IFT81: variants seen among roughly 807,000 people sequenced by gnomAD.
The protein encoded by IFT81 is intraflagellar transport protein 81 homolog.
Under a neutral mutation model 102.6 loss-of-function variants are expected in IFT81, and 72 were observed. That is an observed-to-expected ratio of 0.70 (90% CI 0.58 to 0.85). The LOEUF (loss-of-function observed/expected upper bound fraction) is 0.85. IFT81 is among the 40% of genes least tolerant of loss of function. The probability of loss-of-function intolerance (pLI) is 0.00; values close to 1 mark genes in which losing one functional copy is unlikely to be tolerated. For synonymous variants in IFT81, 237 were observed against 242.7 expected (o/e 0.98, Z 0.22); for missense variants, 723 against 787.3 (o/e 0.92, Z 0.98).
chr12:110,139,336 CAAAAA>C (rs398044810), intron 8 of IFT81, among the ~76,000 whole-genome samples: 1 of 52,582 alleles, frequency 1.9e-5, no homozygotes, highest in Non-Finnish European at 3.9e-5. Context: ...GACTCTGTCT[CAAAAA>C]AAAAAAAAAA....
At chr12:110,191,729 A>T (rs1897807674) in intron 13 of IFT81, among the ~76,000 whole-genome samples, 1 of 152,148 alleles carries the variant, frequency 6.6e-6, no homozygotes, top group Non-Finnish European at 1.5e-5. Flanking sequence ...ACCAGGCATT[A>T]AAATGTTGAT....
intron 10 of IFT81, chr12:110,162,416 A>T (rs1466824316): frequency 6.9e-6 from 1 of 145,162 alleles, no homozygotes; most frequent in East Asian, 2.0e-4. Flanking sequence ...GGCTCACTGC[A>T]ACCTCCACCT....
intron 18 of IFT81, among the ~76,000 whole-genome samples, chr12:110,212,019 A>G (rs1192581046): frequency 6.6e-6 from 1 of 152,178 alleles, no homozygotes; most frequent in African/African-American, 2.4e-5. Flanking sequence ...GTATTTGTAC[A>G]GTTTAGCTAC....
chr12:110,141,145 C>T (rs188824313), intron 8 of IFT81, among the ~76,000 whole-genome samples: 20 of 152,146 alleles, frequency 1.3e-4, no homozygotes, highest in Admixed American at 9.8e-4. Context: ...CTACCTCAAG[C>T]ATCTCTACAG....
At position 110,162,966 on chromosome 12, in the gene IFT81, G is replaced by A; in HGVS notation, c.1089G>A (p.Gln363=). The A allele has an allele frequency of 1.2e-6, 2 of 1,613,860 alleles. No homozygotes were observed. Among genetic ancestry groups the A allele is most frequent in the South Asian group, 1.1e-5 (1 of 91,054 alleles). ...RKKEAKAEEL[Q]EAKEKLASLE... is the part of the protein sequence containing the mutation. ...AAGAAGCCAAAGCTGAGGAACTTCA[G>A]GAGGCCAAGGAGAAGTTAGCCAGCC... is the stretch of plus-strand genomic sequence containing the variant. The change falls in exon 11 of 19, where the codon CAG becomes CAA. Residue 363 remains glutamine, a synonymous_variant. Coordinates refer to ENST00000242591, the MANE Select transcript of IFT81 (RefSeq NM_014055.4).
At chr12:110,189,642 C>T (rs889532665) in intron 12 of IFT81, among the ~76,000 whole-genome samples, 2 of 152,212 alleles carry the variant, frequency 1.3e-5, no homozygotes, top group Non-Finnish European at 2.9e-5. Context: ...AGCCACCACA[C>T]CTGGCCTAAT....
intron 17 of IFT81, among the ~76,000 whole-genome samples, chr12:110,207,148 A>G (rs1039266006): frequency 5.3e-5 from 8 of 151,982 alleles, no homozygotes; most frequent in Admixed American, 1.3e-4. Context: ...CTCCTGCCTC[A>G]GCCTCCCAAG....
intron 10 of IFT81, among the ~76,000 whole-genome samples, chr12:110,156,271 C>T (rs1895831880): frequency 1.3e-5 from 2 of 152,090 alleles, no homozygotes; most frequent in South Asian, 2.1e-4. Flanking sequence ...ATTTACAGAC[C>T]GTTGTTACAC....
chr12:110,180,226 TAAAAC>T (rs1195631547), intron 11 of IFT81, among the ~76,000 whole-genome samples, 191 bp from the exon 12 acceptor site: 1 of 134,958 alleles, frequency 7.4e-6, no homozygotes, highest in East Asian at 2.1e-4. Context: ...AGTTTTATAA[TAAAAC>T]TAAATTATTA....
chr12:110,200,418 G>T (rs1054796349), intron 14 of IFT81, among the ~76,000 whole-genome samples: 4 of 152,046 alleles, frequency 2.6e-5, no homozygotes, highest in East Asian at 1.9e-4. Flanking sequence ...CATAGAAAAG[G>T]TACAGTAAAA....
intron 1 of IFT81, among the ~76,000 whole-genome samples, chr12:110,126,873 T>A (rs535028432): frequency 6.6e-6 from 1 of 152,330 alleles, no homozygotes; most frequent in Non-Finnish European, 1.5e-5. Flanking sequence ...GTTGTGGGCA[T>A]GCACAAATGT....
chr12:110,159,441 T>C (rs55887805), intron 10 of IFT81, among the ~76,000 whole-genome samples: 25,626 of 152,144 alleles, frequency 0.17, 3,352 homozygotes, highest in African/African-American at 0.37. Context: ...GCCTGAGTGA[T>C]GGAGCCAGAT....
At position 110,129,091 on chromosome 12, in the gene IFT81, G is replaced by A; in HGVS notation, c.390G>A (p.Glu130=). The A allele has an allele frequency of 6.2e-7, 1 of 1,603,990 alleles. No homozygotes were observed. Among genetic ancestry groups the A allele is most frequent in the South Asian group, 1.1e-5 (1 of 88,878 alleles). The change falls in exon 4 of 19, where the codon GAG becomes GAA. Residue 130 remains glutamate (E), a synonymous_variant. Coordinates refer to ENST00000242591, the MANE Select transcript of IFT81 (RefSeq NM_014055.4). ...TAATAAAACTTGAGGTACCAAGTGA[G>A]TTTCTTCAGGATGAAACTGTGGCTG... The part of the protein sequence containing the change: ...RFLIKLEVPS[E]FLQDETVADT...
intron 18 of IFT81, among the ~76,000 whole-genome samples, chr12:110,215,004 T>C (rs762704238): frequency 6.6e-6 from 1 of 152,174 alleles, no homozygotes; most frequent in Non-Finnish European, 1.5e-5. Context: ...TCAAAAAATT[T>C]ACTGGTTATA....
chr12:110,161,748 C>T (rs1308241871), intron 10 of IFT81, among the ~76,000 whole-genome samples: 1 of 152,012 alleles, frequency 6.6e-6, no homozygotes, highest in East Asian at 1.9e-4. Context: ...GCCACTGCAC[C>T]CAGCCTCCTT....
intron 4 of IFT81, among the ~76,000 whole-genome samples, chr12:110,130,823 C>T (rs1481246242): frequency 1.3e-5 from 2 of 151,752 alleles, no homozygotes; most frequent in African/African-American, 4.8e-5. Context: ...GATATACACA[C>T]ACACAATGAT....
intron 11 of IFT81, among the ~76,000 whole-genome samples, chr12:110,179,965 T>G (rs1241266183): frequency 6.7e-6 from 1 of 150,042 alleles, no homozygotes; most frequent in Non-Finnish European, 1.5e-5. Context: ...AGGAATTCAT[T>G]TGGTAAGTAC....
intron 12 of IFT81, among the ~76,000 whole-genome samples, chr12:110,188,820 T>A (rs917430549): frequency 6.6e-6 from 1 of 151,322 alleles, no homozygotes; most frequent in Non-Finnish European, 1.5e-5. Flanking sequence ...TCCCAGCTAC[T>A]TGGGAGGCTG....
At chr12:110,141,599 G>C (rs2137350111) in intron 8 of IFT81, among the ~76,000 whole-genome samples, 1 of 152,304 alleles carries the variant, frequency 6.6e-6, no homozygotes, top group Non-Finnish European at 1.5e-5. Flanking sequence ...TTTGAGCCAG[G>C]CCAGACGAAG....
Sources: allele counts gnomAD v4.1 joint callset (sites outside exome capture counted in the v4.1 genomes callset), GRCh38; gene constraint gnomAD v4.1.1; transcripts MANE v1.5; gene names NCBI Gene and HGNC (gene_info 2026-07-23, HGNC 2026-07-21).